The following B3GALT1 variants were observed in gnomAD, a reference collection of about 807,000 sequenced individuals.
B3GALT1 encodes the protein UDP-Gal:betaGlcNAc beta 1,3-galactosyltransferase, polypeptide 1.
B3GALT1 carries 10 observed loss-of-function variants against 23.2 expected under a neutral mutation model. That is an observed-to-expected ratio of 0.43 (90% CI 0.27 to 0.73). The LOEUF (loss-of-function observed/expected upper bound fraction) is 0.73. Among genes scored for constraint, B3GALT1 ranks in the 30% least tolerant of loss-of-function variants. The pLI is 0.21. For missense variants in B3GALT1, 299 were observed against 405.4 expected (o/e 0.74, Z 2.25); for synonymous variants, 156 against 141.5 (o/e 1.10, Z -0.73).
chr2:167,346,370 A>T (rs1385089941), intron 1 of B3GALT1, among the ~76,000 whole-genome samples: 1 of 152,150 alleles, frequency 6.6e-6, no homozygotes, highest in East Asian at 1.9e-4. Context: ...TACAGTATAT[A>T]TCTACTCTGA....
At chr2:167,302,315 A>G (rs984033974) in intron 1 of B3GALT1, among the ~76,000 whole-genome samples, 2 of 152,160 alleles carry the variant, frequency 1.3e-5, no homozygotes, top group African/African-American at 4.8e-5. Flanking sequence ...GGGAACAGGC[A>G]CTACTTTAAT....
intron 4 of B3GALT1, among the ~76,000 whole-genome samples, chr2:167,864,002 G>GTGTT (rs1465820742): frequency 6.6e-6 from 1 of 150,408 alleles, no homozygotes; most frequent in Non-Finnish European, 1.5e-5. Flanking sequence ...GTGTGTGTGT[G>GTGTT]TGTGTGTGTG....
At position 167,702,322 on chromosome 2, in the gene B3GALT1, T is replaced by C. The variant is rs373599454; in HGVS notation, c.-352+55356T>C. On this transcript the variant is annotated intron_variant, in intron 3 of 4. Coordinates refer to ENST00000392690, the MANE Select transcript of B3GALT1 (RefSeq NM_020981.4). ...TCCTATACCTGCCAAATATTGTATA[T>C]TATTCCTGCATTACATTATTTCTCT... 3.9e-5 allele frequency among the ~76,000 whole-genome samples: 6 copies of C among 152,342 alleles called. No individual in the cohort carries two copies. In the East Asian group the frequency reaches 9.6e-4, roughly 24 times the overall value.
intron 1 of B3GALT1, among the ~76,000 whole-genome samples, chr2:167,481,152 C>G (rs1342767781): frequency 6.6e-6 from 1 of 152,166 alleles, no homozygotes; most frequent in Non-Finnish European, 1.5e-5. Context: ...CAAAAATGTG[C>G]ATCTTTGTTC....
At chr2:167,714,980 G>A in intron 3 of B3GALT1, 1 of 1,611,574 alleles carries the variant, frequency 6.2e-7, no homozygotes, top group Non-Finnish European at 8.5e-7. Context: ...CTGCAAAGAT[G>A]CTTGTTGAGT....
At chr2:167,314,253 C>T (rs1335193806) in intron 1 of B3GALT1, among the ~76,000 whole-genome samples, 1 of 152,046 alleles carries the variant, frequency 6.6e-6, no homozygotes, top group Non-Finnish European at 1.5e-5. Context: ...GAAGAGTCTC[C>T]CATAAGGGGA....
intron 1 of B3GALT1, among the ~76,000 whole-genome samples, chr2:167,428,618 C>T (rs773689340): frequency 1.8e-4 from 28 of 151,898 alleles, no homozygotes; most frequent in Non-Finnish European, 3.2e-4. Context: ...GAGGAGGTTG[C>T]AGTGAGCTGA....
chr2:167,485,484 A>G (rs1699613684), intron 1 of B3GALT1, among the ~76,000 whole-genome samples: 1 of 152,136 alleles, frequency 6.6e-6, no homozygotes, highest in Admixed American at 6.5e-5. Context: ...TTCTCACTTC[A>G]TCTGGGAAAT....
At chr2:167,796,669 T>G (rs1008120969) in intron 3 of B3GALT1, among the ~76,000 whole-genome samples, 3 of 152,136 alleles carry the variant, frequency 2.0e-5, no homozygotes, top group Non-Finnish European at 4.4e-5. Context: ...AAGAATTGCT[T>G]GAACCCAGGA....
Position 167,765,868 on chromosome 2 carries a change from G to A in B3GALT1, c.-351-52804G>A, listed in dbSNP as rs575445365. On this transcript the variant is annotated intron_variant, in intron 3 of 4. Transcript: ENST00000392690. ...CCATAATAAGCTTGCACTCTCTTGAGGCTTTCCTCATACCTGGCTAAGGAT... is the reference window on the plus strand; with the variant it reads ...CCATAATAAGCTTGCACTCTCTTGAAGCTTTCCTCATACCTGGCTAAGGAT... 3.3e-5 allele frequency among the ~76,000 whole-genome samples: 5 copies of A among 152,220 alleles called. No homozygotes were observed. In the East Asian group the frequency reaches 5.8e-4, roughly 18 times the overall value.
rs573085746 is a variant in B3GALT1 at position 167,459,301 on chromosome 2, C to T, written c.-510-30876C>T. Among the ~76,000 whole-genome samples the T allele has an allele frequency of 2.6e-5, 4 of 152,080 alleles. No individual in the cohort carries two copies. In the East Asian group the frequency reaches 7.7e-4, roughly 29 times the overall value. On this transcript the variant is annotated intron_variant, in intron 1 of 4. Transcript: ENST00000392690. Reference sequence around the variant, plus strand: ...TCTATCACTATTTTCTGTGTGGTTACCACAAAGATTACAGTTAACATCCTA... The same window carrying T: ...TCTATCACTATTTTCTGTGTGGTTATCACAAAGATTACAGTTAACATCCTA...
chr2:167,774,473 TTTTTTTTTTTTG>T (rs1462624685), intron 3 of B3GALT1, among the ~76,000 whole-genome samples: 7 of 120,484 alleles, frequency 5.8e-5, no homozygotes, highest in Admixed American at 8.9e-5. Context: ...TGTTTATTGG[TTTTTTTTTTTTG>T]TTTTTTTTTT....
At chr2:167,339,941 C>CT (rs1697120425) in intron 1 of B3GALT1, among the ~76,000 whole-genome samples, 1 of 152,052 alleles carries the variant, frequency 6.6e-6, no homozygotes, top group Admixed American at 6.6e-5. Flanking sequence ...ACAAGCAGAG[C>CT]TTTTTATAAC....
intron 2 of B3GALT1, among the ~76,000 whole-genome samples, chr2:167,500,467 C>A (rs1699835522): frequency 1.3e-5 from 2 of 152,030 alleles, no homozygotes; most frequent in African/African-American, 2.4e-5. Flanking sequence ...ATCTTTGCAG[C>A]AAATTCTCTT....
chr2:167,807,869 T>C (rs901473692), intron 3 of B3GALT1, among the ~76,000 whole-genome samples: 1 of 152,198 alleles, frequency 6.6e-6, no homozygotes, highest in African/African-American at 2.4e-5. Flanking sequence ...CTGGATATCC[T>C]TGTTAACTTT....
chr2:167,528,836 A>T (rs1683267967), intron 2 of B3GALT1, among the ~76,000 whole-genome samples: 1 of 152,004 alleles, frequency 6.6e-6, no homozygotes, highest in African/African-American at 2.4e-5. Flanking sequence ...AGATCTTAGG[A>T]TTCCAAGGAT....
At chr2:167,771,728 A>G (rs1414735538) in intron 3 of B3GALT1, among the ~76,000 whole-genome samples, 1 of 152,236 alleles carries the variant, frequency 6.6e-6, no homozygotes, top group African/African-American at 2.4e-5. Flanking sequence ...TCAGATAGAC[A>G]TAGCCATTTT....
chr2:167,841,477 A>C (rs1363244536), intron 4 of B3GALT1, among the ~76,000 whole-genome samples: 2 of 152,234 alleles, frequency 1.3e-5, no homozygotes. Context: ...CCTATTTCAC[A>C]AATTCTCCAG....
At chr2:167,296,541 A>T (rs1696352518) in intron 1 of B3GALT1, among the ~76,000 whole-genome samples, 1 of 152,176 alleles carries the variant, frequency 6.6e-6, no homozygotes, top group Admixed American at 6.5e-5. Context: ...AGGTTCTCAG[A>T]AGGAATTTCG....
Sources: allele counts gnomAD v4.1 joint callset (sites outside exome capture counted in the v4.1 genomes callset), GRCh38; gene constraint gnomAD v4.1.1; transcripts MANE v1.5; gene names NCBI Gene and HGNC (gene_info 2026-07-23, HGNC 2026-07-21).